BRINP1: variants seen among roughly 807,000 people sequenced by gnomAD.
BRINP1 encodes BMP/retinoic acid-inducible neural-specific protein 1.
Under a neutral mutation model 72.9 loss-of-function variants are expected in BRINP1, and 17 were observed. That is an observed-to-expected ratio of 0.23 (90% CI 0.16 to 0.35). The LOEUF is 0.35. BRINP1 is among the 10% of genes least tolerant of loss of function. The pLI, the probability that BRINP1 is intolerant of heterozygous loss-of-function variation, is 1.00. For missense variants in BRINP1, 850 were observed against 1,001.6 expected, an observed-to-expected ratio of 0.85 and a Z score of 2.04; for synonymous variants, 418 against 378.5, an observed-to-expected ratio of 1.10 and a Z score of -1.21.
At chr9:119,211,515 T>G (rs954590790) in intron 6 of BRINP1, among the ~76,000 whole-genome samples, 1 of 152,022 alleles carries the variant, frequency 6.6e-6, no homozygotes, top group Non-Finnish European at 1.5e-5. Flanking sequence ...TGAATAAAAG[T>G]AGAAGTACTA....
intron 2 of BRINP1, among the ~76,000 whole-genome samples, chr9:119,277,105 T>C (rs1830664567): frequency 6.6e-6 from 1 of 152,232 alleles, no homozygotes; most frequent in Non-Finnish European, 1.5e-5. Flanking sequence ...CCTACCATAA[T>C]GCCTTTGAGA....
intron 7 of BRINP1, among the ~76,000 whole-genome samples, chr9:119,184,032 C>A (rs573263514): frequency 6.6e-6 from 1 of 152,066 alleles, no homozygotes; most frequent in South Asian, 2.1e-4. Context: ...TGACTAAATC[C>A]CCTGAGCTTA....
At chr9:119,188,119 T>C (rs1829643847) in intron 7 of BRINP1, among the ~76,000 whole-genome samples, 1 of 152,142 alleles carries the variant, frequency 6.6e-6, no homozygotes, top group Non-Finnish European at 1.5e-5. Context: ...AGAGGAATAA[T>C]AGATGAAGAA....
At chr9:119,292,275 T>C (rs893555989) in intron 2 of BRINP1, among the ~76,000 whole-genome samples, 5 of 152,216 alleles carry the variant, frequency 3.3e-5, no homozygotes, top group African/African-American at 1.2e-4. Flanking sequence ...TACTAACCTC[T>C]GCTCAAGTTG....
chr9:119,223,380 T>C (rs1357484246), intron 5 of BRINP1, among the ~76,000 whole-genome samples: 1 of 151,952 alleles, frequency 6.6e-6, no homozygotes, highest in African/African-American at 2.4e-5. Flanking sequence ...TAGTACAGGG[T>C]AGTTGTTTAA....
At chr9:119,207,789 AG>A (rs1441544436) in intron 7 of BRINP1, among the ~76,000 whole-genome samples, 1 of 152,158 alleles carries the variant, frequency 6.6e-6, no homozygotes, top group Non-Finnish European at 1.5e-5. Flanking sequence ...TCTTTTTAAG[AG>A]TGGATCTTTT....
At chr9:119,228,642 T>C (rs1830117942) in intron 5 of BRINP1, among the ~76,000 whole-genome samples, 1 of 151,922 alleles carries the variant, frequency 6.6e-6, no homozygotes, top group Non-Finnish European at 1.5e-5. Context: ...TGAGTAGAGA[T>C]GGGAATGCAA....
At chr9:119,234,844 A>G (rs1830179326) in intron 5 of BRINP1, among the ~76,000 whole-genome samples, 1 of 151,790 alleles carries the variant, frequency 6.6e-6, no homozygotes, top group Non-Finnish European at 1.5e-5. Flanking sequence ...AGAATGAATC[A>G]CTCCCTTTTC....
intron 2 of BRINP1, among the ~76,000 whole-genome samples, chr9:119,249,853 AG>A (rs771526964): frequency 0.043 from 2,125 of 49,612 alleles, 53 homozygotes; most frequent in Non-Finnish European, 0.056. Context: ...GAAGGAAGGA[AG>A]GGAGGGAGGG....
intron 6 of BRINP1, among the ~76,000 whole-genome samples, chr9:119,210,215 G>A (rs1829908987): frequency 6.6e-6 from 1 of 152,008 alleles, no homozygotes; most frequent in Non-Finnish European, 1.5e-5. Flanking sequence ...CCCATCCCTG[G>A]AAAATTAAAA....
chr9:119,339,310 G>A (rs1035448814), intron 1 of BRINP1, among the ~76,000 whole-genome samples: 2 of 152,176 alleles, frequency 1.3e-5, no homozygotes, highest in Non-Finnish European at 2.9e-5. Context: ...CCCACAGATC[G>A]CAGTTTGCCA....
chr9:119,213,139 G>A (rs181652711), intron 6 of BRINP1, among the ~76,000 whole-genome samples: 2 of 152,200 alleles, frequency 1.3e-5, no homozygotes, highest in Non-Finnish European at 1.5e-5. Flanking sequence ...TTCCATTTCT[G>A]TTCTTTTTTA....
At chr9:119,270,944 C>T (rs1195910272) in intron 2 of BRINP1, among the ~76,000 whole-genome samples, 2 of 151,944 alleles carry the variant, frequency 1.3e-5, no homozygotes, top group Non-Finnish European at 2.9e-5. Context: ...TACTTACAGT[C>T]TAGCAGGAAA....
intron 2 of BRINP1, among the ~76,000 whole-genome samples, chr9:119,260,762 T>C (rs1383935547): frequency 6.6e-6 from 1 of 152,194 alleles, no homozygotes. Context: ...TTAAGTGGAA[T>C]TTATAATTTG....
intron 5 of BRINP1, among the ~76,000 whole-genome samples, chr9:119,219,744 G>A (rs1830019830): frequency 6.6e-6 from 1 of 151,690 alleles, no homozygotes; most frequent in African/African-American, 2.4e-5. Flanking sequence ...AGTATTCTAT[G>A]AGAAGTACAA....
intron 5 of BRINP1, among the ~76,000 whole-genome samples, chr9:119,233,733 C>T (rs1223751362): frequency 6.6e-6 from 1 of 152,204 alleles, no homozygotes; most frequent in African/African-American, 2.4e-5. Flanking sequence ...GTATTACCAA[C>T]CGGATTTAAA....
At chr9:119,337,568 A>C (rs879469937) in intron 1 of BRINP1, among the ~76,000 whole-genome samples, 1 of 152,258 alleles carries the variant, frequency 6.6e-6, no homozygotes, top group African/African-American at 2.4e-5. Context: ...ATCAAGTCCA[A>C]ACATCTTAAT....
chr9:119,225,979 C>G (rs1830087807), intron 5 of BRINP1, among the ~76,000 whole-genome samples: 1 of 151,944 alleles, frequency 6.6e-6, no homozygotes, highest in African/African-American at 2.4e-5. Context: ...CTACTATAAG[C>G]TAAACACTAT....
chr9:119,296,093 G>C (rs1830874477), intron 2 of BRINP1, among the ~76,000 whole-genome samples: 1 of 152,072 alleles, frequency 6.6e-6, no homozygotes. Flanking sequence ...TCAACAGAGA[G>C]AAAAAGCAAC....
Sources: allele counts gnomAD v4.1 joint callset (sites outside exome capture counted in the v4.1 genomes callset), GRCh38; gene constraint gnomAD v4.1.1; transcripts MANE v1.5; gene names NCBI Gene and HGNC (gene_info 2026-07-23, HGNC 2026-07-21).